Variants in SGIP1 observed in about 807,000 individuals in gnomAD.
SGIP1 encodes the protein SH3GL interacting endocytic adaptor 1.
In SGIP1, 38 loss-of-function variants were observed where a neutral mutation model predicts 107.5. That is an observed-to-expected ratio of 0.35 (90% CI 0.27 to 0.46). The LOEUF (loss-of-function observed/expected upper bound fraction) is 0.46. SGIP1 is among the 20% of genes least tolerant of loss of function. The pLI is 1.00. For missense variants in SGIP1, 929 were observed against 1,019.5 expected (o/e 0.91, Z 1.21); for synonymous variants, 365 against 366.1 (o/e 1.00, Z 0.03).
chr1:66,723,077 A>G (rs2093613140), intron 19 of SGIP1, among the ~76,000 whole-genome samples: 1 of 152,200 alleles, frequency 6.6e-6, no homozygotes, highest in Non-Finnish European at 1.5e-5. Context: ...TCATGAAATG[A>G]CACTCATATA....
At chr1:66,741,895 G>C (rs1409208651) in intron 24 of SGIP1, among the ~76,000 whole-genome samples, 1 of 151,926 alleles carries the variant, frequency 6.6e-6, no homozygotes, top group African/African-American at 2.4e-5. Flanking sequence ...AGCCTCCCGA[G>C]TAGCTGGGAC....
chr1:66,601,206 A>G lies in SGIP1; in HGVS notation c.11-24641A>G, dbSNP rs1048193847. ...GTGAAACCCCGTCTCTGCTAAAAAT[A>G]CAAAAAAAATTAGCTGGGCGTGGTG... is the stretch of plus-strand genomic sequence containing the variant. On this transcript the variant is annotated intron_variant, in intron 1 of 24. Transcript: ENST00000371037. Among the ~76,000 whole-genome samples the G allele has an allele frequency of 2.8e-4, 42 of 152,260 alleles. 1 individual carries two copies. Among genetic ancestry groups the G allele is most frequent in the South Asian group, 1.5e-3 (7 of 4,816 alleles).
chr1:66,737,524 C>T (rs577388023), intron 21 of SGIP1, among the ~76,000 whole-genome samples: 16 of 152,220 alleles, frequency 1.1e-4, no homozygotes, highest in African/African-American at 2.9e-4. Flanking sequence ...GAGACCCCAT[C>T]TCTACTTTTT....
chr1:66,643,045 T>A (rs1357526876), intron 6 of SGIP1, among the ~76,000 whole-genome samples, 181 bp downstream of exon 6: 3 of 96,392 alleles, frequency 3.1e-5, no homozygotes, highest in Non-Finnish European at 6.1e-5. Flanking sequence ...GCATTTTGCC[T>A]TAATCTATTC....
At position 66,617,779 on chromosome 1, in the gene SGIP1, G is replaced by A. The variant is rs536664320; in HGVS notation, c.11-8068G>A. Among the ~76,000 whole-genome samples, 8 of 152,242 alleles carry A rather than the reference G, an allele frequency of 5.3e-5. No homozygotes were observed. The South Asian group carries it at 1.4e-3, about 28-fold the overall frequency. Reference sequence around the variant, plus strand: ...TAAAGATTTAAACATGCAAAATACAGCCTTTGTGTATAAGAAATGTGCAGC... The same window carrying A: ...TAAAGATTTAAACATGCAAAATACAACCTTTGTGTATAAGAAATGTGCAGC... On this transcript the variant is annotated intron_variant, in intron 1 of 24. Coordinates refer to ENST00000371037, the MANE Select transcript of SGIP1 (RefSeq NM_032291.4).
chr1:66,594,016 T>C (rs771110137), intron 1 of SGIP1, among the ~76,000 whole-genome samples: 30 of 152,214 alleles, frequency 2.0e-4, no homozygotes, highest in Non-Finnish European at 4.0e-4. Context: ...AAGACTATTA[T>C]TCATGGTTAA....
At position 66,750,697 on chromosome 1, in the gene SGIP1, TTACTG is replaced by T. The variant is rs550469695; in HGVS notation, c.*7603_*7607del. On this transcript the variant is annotated 3_prime_UTR_variant, in exon 25 of 25. Coordinates refer to ENST00000371037, the MANE Select transcript of SGIP1 (RefSeq NM_032291.4). Reference sequence around the variant, plus strand: ...AGAGTATACTTTTTTCTGACAGCCATTACTGCTTAGTCTGTAATGAAAGCTTTACT... The same window carrying T: ...AGAGTATACTTTTTTCTGACAGCCATCTTAGTCTGTAATGAAAGCTTTACT... Among the ~76,000 whole-genome samples, 10 of 152,366 alleles carry T rather than the reference TTACTG, an allele frequency of 6.6e-5. No individual in the cohort carries two copies. In the East Asian group the frequency reaches 1.9e-3, roughly 29 times the overall value.
intron 1 of SGIP1, among the ~76,000 whole-genome samples, chr1:66,584,797 G>T (rs573320600): frequency 6.6e-6 from 1 of 152,040 alleles, no homozygotes; most frequent in Non-Finnish European, 1.5e-5. Context: ...TGTGCTCCTG[G>T]GTATTATTCA....
At chr1:66,634,051 G>T in intron 3 of SGIP1, 1 of 1,559,938 alleles carries the variant, frequency 6.4e-7, no homozygotes, top group East Asian at 2.3e-5. Context: ...TCAGACATTG[G>T]GTAACACTAT....
In SGIP1 at chr1:66,735,636, A is replaced by T. The variant is rs1406637209; in HGVS notation, c.2031+1756A>T. ...GAGATCGAGACCATCCTGGCTAACAAGGTGAAACCCCGTCTCTACTAAAAA... is the reference window on the plus strand; with the variant it reads ...GAGATCGAGACCATCCTGGCTAACATGGTGAAACCCCGTCTCTACTAAAAA... On this transcript the variant is annotated intron_variant, in intron 21 of 24. Coordinates refer to ENST00000371037, the MANE Select transcript of SGIP1 (RefSeq NM_032291.4). Among the ~76,000 whole-genome samples the T allele has an allele frequency of 4.5e-5, 3 of 67,050 alleles. 1 individual carries two copies. Among genetic ancestry groups the T allele is most frequent in the Non-Finnish European group, 9.8e-5 (3 of 30,458 alleles). 44.0% of individuals were successfully genotyped at this position (67,050 alleles called of 152,430 possible). A position where few individuals can be genotyped will look rare whatever the true frequency, so the allele number is the denominator to read the frequency against.
chr1:66,702,499 T>C (rs10889648), intron 18 of SGIP1, among the ~76,000 whole-genome samples: 64,607 of 152,032 alleles, frequency 0.42, 14,313 homozygotes, highest in East Asian at 0.72. Flanking sequence ...TTTTGTTTAA[T>C]AAAGTACTAT....
chr1:66,633,019 TG>T, intron 2 of SGIP1, 50 bp from the exon 3 acceptor site: 1 of 1,201,678 alleles, frequency 8.3e-7, no homozygotes, highest in Non-Finnish European at 1.2e-6. Flanking sequence ...TTAGTCTATG[TG>T]GCAAGAATGA....
chr1:66,731,259 C>T (rs939350656), intron 20 of SGIP1, among the ~76,000 whole-genome samples: 7 of 152,068 alleles, frequency 4.6e-5, no homozygotes, highest in South Asian at 2.1e-4. Flanking sequence ...TGGTTGTGCA[C>T]GTTGAGCCAG....
At chr1:66,545,642 G>C (rs1323837392) in intron 1 of SGIP1, among the ~76,000 whole-genome samples, 1 of 151,140 alleles carries the variant, frequency 6.6e-6, no homozygotes, top group African/African-American at 2.4e-5. Flanking sequence ...GTGTGTGTGT[G>C]TGTGTGTGTG....
chr1:66,713,694 T>C (rs1238417264), intron 18 of SGIP1, among the ~76,000 whole-genome samples: 1 of 152,124 alleles, frequency 6.6e-6, no homozygotes, highest in East Asian at 1.9e-4. Flanking sequence ...TTTCTCTGTA[T>C]CCCTCGGCAC....
intron 2 of SGIP1, among the ~76,000 whole-genome samples, chr1:66,630,429 C>T (rs2074023981): frequency 6.6e-6 from 1 of 152,132 alleles, no homozygotes; most frequent in Admixed American, 6.6e-5. Flanking sequence ...CTCCCAGCTC[C>T]ATTAGCAGAG....
intron 1 of SGIP1, among the ~76,000 whole-genome samples, chr1:66,572,828 A>C (rs1035548371): frequency 6.6e-6 from 1 of 152,150 alleles, no homozygotes; most frequent in East Asian, 1.9e-4. Flanking sequence ...AATGAAGGAC[A>C]ACTACAATGC....
intron 1 of SGIP1, among the ~76,000 whole-genome samples, chr1:66,573,751 A>T (rs1463907412): frequency 6.6e-6 from 1 of 152,064 alleles, no homozygotes; most frequent in African/African-American, 2.4e-5. Context: ...ACTGGGGCCT[A>T]TCACTGAGCA....
chr1:66,574,525 C>T (rs1326747024), intron 1 of SGIP1, among the ~76,000 whole-genome samples: 1 of 152,082 alleles, frequency 6.6e-6, no homozygotes, highest in African/African-American at 2.4e-5. Context: ...TCTATGAGAA[C>T]AATTAGATTG....
Sources: allele counts gnomAD v4.1 joint callset (sites outside exome capture counted in the v4.1 genomes callset), GRCh38; gene constraint gnomAD v4.1.1; transcripts MANE v1.5; gene names NCBI Gene and HGNC (gene_info 2026-07-23, HGNC 2026-07-21).